PLEKHA8: variants seen among roughly 807,000 people sequenced by gnomAD.
PLEKHA8 encodes the protein pleckstrin homology domain-containing family A member 8.
PLEKHA8 carries 36 observed loss-of-function variants against 68.2 expected under a neutral mutation model. The ratio of observed to expected loss-of-function variants is 0.53; its 90% CI spans 0.40 to 0.70. The LOEUF is 0.70. Ranked by LOEUF, PLEKHA8 falls within the 30% of genes least tolerant of loss-of-function variation. The pLI is 0.00. For synonymous variants in PLEKHA8, 211 were observed against 216.1 expected (o/e 0.98, Z 0.20); for missense variants, 505 against 615.4 (o/e 0.82, Z 1.90).
At chr7:30,063,196 A>C (rs1001643770) in intron 12 of PLEKHA8, among the ~76,000 whole-genome samples, 1 of 152,174 alleles carries the variant, frequency 6.6e-6, no homozygotes, top group Non-Finnish European at 1.5e-5. Flanking sequence ...TCAAATATAT[A>C]ATGCTGTGTG....
chr7:30,127,674 T>G (rs1324669159), intron 13 of PLEKHA8, among the ~76,000 whole-genome samples: 1 of 152,226 alleles, frequency 6.6e-6, no homozygotes, highest in African/African-American at 2.4e-5. Flanking sequence ...CTATAAATGA[T>G]GTGCCTTTCA....
intron 13 of PLEKHA8, among the ~76,000 whole-genome samples, chr7:30,124,400 C>T (rs947040525): frequency 3.3e-5 from 5 of 152,082 alleles, no homozygotes; most frequent in Non-Finnish European, 5.9e-5. Context: ...GAGATCTGTT[C>T]TAAAGAAAAA....
chr7:30,103,735 C>A (rs1433411235), intron 13 of PLEKHA8, among the ~76,000 whole-genome samples: 1 of 152,178 alleles, frequency 6.6e-6, no homozygotes. Flanking sequence ...AAACCTCAAC[C>A]CCTACCTCAC....
At position 30,079,545 on chromosome 7, in the gene PLEKHA8, A is replaced by G. The variant is rs1240295008; in HGVS notation, c.*758A>G. The G allele has an allele frequency of 1.1e-6, 1 of 932,368 alleles. No individual in the cohort carries two copies. The highest frequency in any genetic ancestry group is 1.3e-6 in the Non-Finnish European group (1 of 781,772). 57.8% of individuals were successfully genotyped at this position (932,368 alleles called of 1,614,324 possible). On this transcript the variant is annotated 3_prime_UTR_variant, in exon 14 of 14. Coordinates refer to ENST00000449726, the MANE Select transcript of PLEKHA8 (RefSeq NM_001197026.2). ...AGCATGTTCCCCATGCATTATCTCAATTGGACATCACAAGTAATGATACCC... is the reference window on the plus strand; with the variant it reads ...AGCATGTTCCCCATGCATTATCTCAGTTGGACATCACAAGTAATGATACCC...
intron 1 of PLEKHA8, among the ~76,000 whole-genome samples, chr7:30,033,971 G>C (rs1346413892): frequency 8.2e-5 from 6 of 73,402 alleles, no homozygotes; most frequent in Admixed American, 7.7e-4. Flanking sequence ...TTGCCCATTT[G>C]TTTGGGTTAT....
At chr7:30,094,054 G>A (rs907591762), downstream of PLEKHA8, among the ~76,000 whole-genome samples, 1 of 152,180 alleles carries the variant, frequency 6.6e-6, no homozygotes, top group Admixed American at 6.5e-5. Flanking sequence ...ATGATGGAAT[G>A]GTTAGGGGAC....
At chr7:30,092,492 C>G (rs55969853), downstream of PLEKHA8, among the ~76,000 whole-genome samples, 358 of 152,148 alleles carry the variant, frequency 2.4e-3, no homozygotes, top group Non-Finnish European at 3.7e-3. Context: ...TTGCCTGAGC[C>G]CCGGAGCCAG....
chr7:30,073,563 TAAAAAAAAAAAAA>T (rs35738941), intron 12 of PLEKHA8, among the ~76,000 whole-genome samples: 1 of 111,776 alleles, frequency 8.9e-6, no homozygotes, highest in Non-Finnish European at 1.8e-5. Context: ...TTGTGTTTCT[TAAAAAAAAAAAAA>T]AAAAAAAAAA....
rs201994634 is a variant in PLEKHA8 at position 30,049,336 on chromosome 7, G to A, written c.551G>A (p.Arg184His). 39 of 1,614,100 alleles carry A rather than the reference G, an allele frequency of 2.4e-5. No homozygotes were observed. The Middle Eastern group carries it at 6.6e-4, about 27-fold the overall frequency. The part of the protein sequence containing the change: ...NAAFTSELLY[R>H]TPPGSPQLAM... Reference sequence around the variant, plus strand: ...GCCTTCACCTCTGAGCTGCTCTACCGCACTCCACCAGGATCACCTCAGCTG... The same window carrying A: ...GCCTTCACCTCTGAGCTGCTCTACCACACTCCACCAGGATCACCTCAGCTG... The change falls in exon 5 of 14, where the codon CGC becomes CAC. Residue 184 changes from arginine to histidine, a missense_variant. Transcript: ENST00000449726.
At position 30,041,777 on chromosome 7, in the gene PLEKHA8, A is replaced by C. The variant is rs145766009; in HGVS notation, c.41-3308A>C. On this transcript the variant is annotated intron_variant, in intron 1 of 13. Coordinates refer to ENST00000449726, the MANE Select transcript of PLEKHA8 (RefSeq NM_001197026.2). Reference sequence around the variant, plus strand: ...CTTCAACATTTTTCAGATTCTTGTAAGATAAAACTAGTTTAGTACATTTTT... The same window carrying C: ...CTTCAACATTTTTCAGATTCTTGTACGATAAAACTAGTTTAGTACATTTTT... Among the ~76,000 whole-genome samples the C allele has an allele frequency of 4.1e-4, 62 of 152,244 alleles. 1 individual carries two copies. The highest frequency in any genetic ancestry group is 1.3e-3 in the African/African-American group (56 of 41,550).
chr7:30,117,990 G>T lies in PLEKHA8; in HGVS notation c.1363-11276G>T, dbSNP rs561154712. On this transcript the variant is annotated intron_variant, in intron 13 of 13. Coordinates refer to the PLEKHA8 transcript ENST00000396257. ...AACAGGGACACACAAATGTCTGATG[G>T]TGGCCCAGGAGGGCTGTCACTCAGA... 76 of 1,531,400 alleles carry T rather than the reference G, an allele frequency of 5.0e-5. 1 individual carries two copies. In the South Asian group the frequency reaches 8.7e-4, roughly 17 times the overall value. The allele number at this position is 1,531,400 out of a possible 1,614,324, so 94.9% of individuals were successfully genotyped here.
intron 13 of PLEKHA8, chr7:30,118,067 G>C: frequency 6.8e-7 from 1 of 1,478,186 alleles, no homozygotes; most frequent in Non-Finnish European, 8.9e-7. Context: ...GCATGAGACA[G>C]GATGCATCAC....
chr7:30,068,418 T>C (rs1430479798), intron 12 of PLEKHA8, among the ~76,000 whole-genome samples: 1 of 152,258 alleles, frequency 6.6e-6, no homozygotes, highest in Non-Finnish European at 1.5e-5. Context: ...TTGTGCCTGA[T>C]GGCTGTAAAA....
At chr7:30,116,290 GTATT>G (rs1044520938) in intron 13 of PLEKHA8, among the ~76,000 whole-genome samples, 13 of 151,050 alleles carry the variant, frequency 8.6e-5, no homozygotes, top group African/African-American at 3.2e-4. Context: ...ATACATGTAT[GTATT>G]CATACATGTA....
intron 13 of PLEKHA8, among the ~76,000 whole-genome samples, chr7:30,109,293 T>A (rs1430866179): frequency 6.6e-6 from 1 of 152,178 alleles, no homozygotes; most frequent in Non-Finnish European, 1.5e-5. Flanking sequence ...TGTGCATTTG[T>A]TAAAAGAGAT....
intron 4 of PLEKHA8, among the ~76,000 whole-genome samples, chr7:30,048,691 T>A (rs1237931846): frequency 6.6e-6 from 1 of 152,206 alleles, no homozygotes; most frequent in Non-Finnish European, 1.5e-5. Context: ...AGATTTTCAT[T>A]TATTAGGTAG....
At chr7:30,046,685 A>G (rs1160039037) in intron 3 of PLEKHA8, among the ~76,000 whole-genome samples, 2 of 152,196 alleles carry the variant, frequency 1.3e-5, no homozygotes, top group African/African-American at 4.8e-5. Context: ...AAAAGAGGTA[A>G]TAGATCCTAC....
At chr7:30,099,170 A>G (rs190464295) in intron 13 of PLEKHA8, among the ~76,000 whole-genome samples, 2 of 152,332 alleles carry the variant, frequency 1.3e-5, no homozygotes, top group East Asian at 3.9e-4. Context: ...ATTCTCTAAT[A>G]TAGCCCCTTA....
intron 12 of PLEKHA8, among the ~76,000 whole-genome samples, chr7:30,065,570 C>T (rs1018336471): frequency 1.3e-5 from 2 of 152,068 alleles, no homozygotes; most frequent in African/African-American, 4.8e-5. Context: ...GAAGTCCCAG[C>T]CTTCATAAGT....
Sources: gnomAD v4.1 joint callset for allele counts (sites outside exome capture counted in the v4.1 genomes callset) on GRCh38, gnomAD v4.1.1 for gene constraint, MANE v1.5 for transcripts, NCBI Gene and HGNC (gene_info 2026-07-23, HGNC 2026-07-21) for gene names.